The following EPB41L2 variants were observed in gnomAD, a reference collection of about 807,000 sequenced individuals.
EPB41L2 encodes erythrocyte membrane protein band 4.1 like 2, also known as band 4.1-like protein 2.
A neutral mutation model predicts 113.0 loss-of-function variants in EPB41L2; 43 were observed. That is an observed-to-expected ratio of 0.38 (90% CI 0.30 to 0.49). EPB41L2 has a LOEUF of 0.49. Among genes scored for constraint, EPB41L2 ranks in the 20% least tolerant of loss-of-function variants. The pLI is 0.95. For missense variants in EPB41L2, 1,147 were observed against 1,223.4 expected (o/e 0.94, Z 0.93); for synonymous variants, 442 against 436.7 (o/e 1.01, Z -0.15).
At chr6:130,856,960 T>C (rs1399280409) in intron 19 of EPB41L2, among the ~76,000 whole-genome samples, 4 of 152,180 alleles carry the variant, frequency 2.6e-5, no homozygotes, top group Non-Finnish European at 5.9e-5. Context: ...CTTTTGCCTG[T>C]TACTAATACT....
At chr6:130,955,537 A>G (rs1158561052) in intron 2 of EPB41L2, among the ~76,000 whole-genome samples, 4 of 152,190 alleles carry the variant, frequency 2.6e-5, no homozygotes, top group Non-Finnish European at 2.9e-5. Context: ...TTGGCATTAA[A>G]TGAATCAAAG....
At chr6:131,047,217 T>A (rs530910689) in intron 1 of EPB41L2, among the ~76,000 whole-genome samples, 1 of 152,250 alleles carries the variant, frequency 6.6e-6, no homozygotes, top group South Asian at 2.1e-4. Context: ...ACACCTCTAG[T>A]CCCAGGTACT....
At chr6:130,954,953 G>T in intron 3 of EPB41L2, 152 bp downstream of exon 3, 1 of 704,288 alleles carries the variant, frequency 1.4e-6, no homozygotes, top group Non-Finnish European at 2.5e-6. Flanking sequence ...AAATATTTGT[G>T]ACAGAAATGA....
chr6:130,995,055 G>T (rs551498739), intron 1 of EPB41L2, among the ~76,000 whole-genome samples: 4 of 152,116 alleles, frequency 2.6e-5, no homozygotes, highest in Non-Finnish European at 4.4e-5. Context: ...AAAACAGGCC[G>T]GCCAGGCGTG....
At chr6:130,979,492 CAAAAAAAAA>C (rs34912861) in intron 1 of EPB41L2, among the ~76,000 whole-genome samples, 3 of 85,322 alleles carry the variant, frequency 3.5e-5, no homozygotes, top group African/African-American at 9.0e-5. Context: ...GAGACTCTGT[CAAAAAAAAA>C]AAAAAAAAAA....
intron 12 of EPB41L2, chr6:130,880,512 G>T: frequency 1.6e-6 from 1 of 633,626 alleles, no homozygotes; most frequent in Non-Finnish European, 2.8e-6. Context: ...ACAGCAAACG[G>T]CCAGAAAGAA....
chr6:131,037,561 A>C (rs1793580565), intron 1 of EPB41L2, among the ~76,000 whole-genome samples: 1 of 148,868 alleles, frequency 6.7e-6, no homozygotes, highest in Non-Finnish European at 1.5e-5. Context: ...AATGTTATTC[A>C]TCTTTATACT....
Position 130,938,272 on chromosome 6 carries a change from T to C in EPB41L2, c.706-11563A>G, listed in dbSNP as rs540236569. Among the ~76,000 whole-genome samples the C allele has an allele frequency of 4.0e-4, 61 of 152,328 alleles. 1 individual carries two copies. The Middle Eastern group carries it at 0.01, about 25-fold the overall frequency. ...ACTTCATTTTGAGATATCTCAGTTT[T>C]TAAACATTGATCTACTTGGGGCAAC... On this transcript the variant is annotated intron_variant, in intron 3 of 19. Coordinates refer to ENST00000337057, the MANE Select transcript of EPB41L2 (RefSeq NM_001431.4).
intron 1 of EPB41L2, among the ~76,000 whole-genome samples, chr6:130,983,718 G>A (rs1487464453): frequency 1.3e-5 from 2 of 151,680 alleles, no homozygotes; most frequent in Non-Finnish European, 2.9e-5. Flanking sequence ...TTGTAGAGAT[G>A]GGATTGCACC....
intron 1 of EPB41L2, among the ~76,000 whole-genome samples, chr6:130,975,266 A>G (rs1004087026): frequency 2.6e-5 from 4 of 152,218 alleles, no homozygotes; most frequent in Admixed American, 2.0e-4. Flanking sequence ...TCATTATTTC[A>G]TTAAAACAGG....
chr6:130,870,268 C>CAAACGTGAGGGCAATGAG, intron 14 of EPB41L2, 142 bp from the exon 15 acceptor site: 1 of 1,543,260 alleles, frequency 6.5e-7, no homozygotes, highest in Non-Finnish European at 8.8e-7. Flanking sequence ...GGAAGCGGGG[C>CAAACGTGAGGGCAATGAG]AAACGTGAGG....
chr6:130,878,035 G>C, intron 14 of EPB41L2, 69 bp downstream of exon 14: 1 of 1,452,920 alleles, frequency 6.9e-7, no homozygotes, highest in Non-Finnish European at 9.2e-7. Context: ...ACTCAACATA[G>C]AGATTAACAA....
At chr6:130,932,800 G>C (rs144473396) in intron 3 of EPB41L2, among the ~76,000 whole-genome samples, 3 of 152,362 alleles carry the variant, frequency 2.0e-5, no homozygotes, top group African/African-American at 7.2e-5. Flanking sequence ...CCAAAAGATA[G>C]CTGCTGATGG....
At chr6:131,016,237 T>C (rs547183517) in intron 1 of EPB41L2, among the ~76,000 whole-genome samples, 8 of 152,302 alleles carry the variant, frequency 5.3e-5, no homozygotes, top group African/African-American at 1.9e-4. Context: ...GCAAAATTAT[T>C]CTGTGGAATT....
intron 1 of EPB41L2, among the ~76,000 whole-genome samples, chr6:131,056,015 AGACCCAGTG>A (rs1375726395): frequency 3.3e-5 from 5 of 152,330 alleles, no homozygotes; most frequent in Middle Eastern, 3.4e-3. Flanking sequence ...TAGACACAAT[AGACCCAGTG>A]GACCCAGTGG....
intron 1 of EPB41L2, among the ~76,000 whole-genome samples, chr6:130,990,179 A>G (rs1781490916): frequency 6.6e-6 from 1 of 152,022 alleles, no homozygotes; most frequent in Admixed American, 6.6e-5. Flanking sequence ...AAATTGGCCG[A>G]GTGTGGTGGT....
chr6:131,039,142 C>G (rs781131920), intron 1 of EPB41L2, among the ~76,000 whole-genome samples: 3 of 152,146 alleles, frequency 2.0e-5, no homozygotes, highest in Non-Finnish European at 4.4e-5. Context: ...AAGCTGTCTG[C>G]AGGAAACAAG....
intron 1 of EPB41L2, among the ~76,000 whole-genome samples, chr6:131,010,703 G>T (rs1786728127): frequency 6.6e-6 from 1 of 152,184 alleles, no homozygotes; most frequent in African/African-American, 2.4e-5. Context: ...GTGAGCCACT[G>T]CACCTGGCCA....
intron 2 of EPB41L2, among the ~76,000 whole-genome samples, chr6:130,955,751 T>C (rs973218015): frequency 6.6e-6 from 1 of 152,210 alleles, no homozygotes; most frequent in Non-Finnish European, 1.5e-5. Context: ...TCGGAGTATC[T>C]ACCTCACCTA....
Sources: gnomAD v4.1 joint callset for allele counts (sites outside exome capture counted in the v4.1 genomes callset) on GRCh38, gnomAD v4.1.1 for gene constraint, MANE v1.5 for transcripts, NCBI Gene and HGNC (gene_info 2026-07-23, HGNC 2026-07-21) for gene names.